Variants in FRAS1 observed in about 807,000 individuals in gnomAD.
FRAS1 encodes Fraser extracellular matrix complex subunit 1, also known as extracellular matrix organizing protein FRAS1.
FRAS1 carries 290 observed loss-of-function variants against 435.2 expected under a neutral mutation model. The observed-to-expected ratio is 0.67, with a 90% CI of 0.61 to 0.73. FRAS1 has a LOEUF of 0.73. FRAS1 is among the 30% of genes least tolerant of loss of function. FRAS1 has a pLI of 0.00. For missense variants in FRAS1, 4,860 were observed against 5,001.5 expected, an observed-to-expected ratio of 0.97 and a Z score of 0.85; for synonymous variants, 1,800 against 1,851.0, an observed-to-expected ratio of 0.97 and a Z score of 0.71.
Position 78,286,492 on chromosome 4 carries a change from T to C in FRAS1, c.1487T>C (p.Val496Ala), listed in dbSNP as rs2110187357. ...PPLLMRHGQC[V>A]PTCGDGFYQD... Reference sequence around the variant, plus strand: ...CTGCTGATGCGGCACGGGCAGTGTGTGCCTACCTGTGGGGACGGCTTCTAC... The same window carrying C: ...CTGCTGATGCGGCACGGGCAGTGTGCGCCTACCTGTGGGGACGGCTTCTAC... The change falls in exon 14 of 74, where the codon GTG (valine) becomes GCG (alanine). Residue 496 changes from valine to alanine, a missense_variant. Val to Ala is a moderately conservative substitution (Grantham distance 64). Coordinates refer to ENST00000512123, the MANE Select transcript of FRAS1 (RefSeq NM_025074.7). 2 of 1,613,698 alleles carry C rather than the reference T, an allele frequency of 1.2e-6. No homozygotes were observed. Among genetic ancestry groups the C allele is most frequent in the African/African-American group, 1.3e-5 (1 of 75,066 alleles).
At chr4:78,431,606 CACA>C (rs1734225309) in intron 37 of FRAS1, among the ~76,000 whole-genome samples, 1 of 152,100 alleles carries the variant, frequency 6.6e-6, no homozygotes. Flanking sequence ...AGAGCAATTT[CACA>C]ACTGTGTTCT....
intron 2 of FRAS1, among the ~76,000 whole-genome samples, chr4:78,228,585 T>A (rs1428787538): frequency 6.6e-6 from 1 of 152,230 alleles, no homozygotes. Flanking sequence ...TATGTGTGTG[T>A]ACTACTCTAG....
Position 78,446,836 on chromosome 4 carries a change from C to T in FRAS1, c.5966C>T (p.Pro1989Leu). The change falls in exon 43 of 74, where the codon CCA (proline) becomes CTA (leucine). Residue 1989 changes from proline to leucine, a missense_variant. Physicochemically the swap from Pro to Leu is moderately conservative, Grantham distance 98. Coordinates refer to ENST00000512123, the MANE Select transcript of FRAS1 (RefSeq NM_025074.7). ...TTGAGCCTGCAAGACCTGGACACCCCAGATAATGAGCTCATTTTTGTATTG... is the reference window on the plus strand; with the variant it reads ...TTGAGCCTGCAAGACCTGGACACCCTAGATAATGAGCTCATTTTTGTATTG... ...SSLSLQDLDTPDNELIFVLTK... is the reference protein window; with the variant it reads ...SSLSLQDLDTLDNELIFVLTK... The T allele has an allele frequency of 6.2e-7, 1 of 1,612,118 alleles. No homozygotes were observed. Among genetic ancestry groups the T allele is most frequent in the Non-Finnish European group, 8.5e-7 (1 of 1,179,206 alleles).
Position 78,472,348 on chromosome 4 carries a change from A to G in FRAS1, c.7522+18A>G, listed in dbSNP as rs1168548114. The G allele has an allele frequency of 1.3e-6, 2 of 1,572,128 alleles. No homozygotes were observed. The highest frequency in any genetic ancestry group is 2.7e-5 in the African/African-American group (2 of 73,354). On this transcript the variant is annotated intron_variant, in intron 52 of 73. Coordinates refer to ENST00000512123, the MANE Select transcript of FRAS1 (RefSeq NM_025074.7). Reference sequence around the variant, plus strand: ...CACCCAGGGTGGGGACTCTCTGGGAACTTAGAAATGGGAGAAATCTATGCT... The same window carrying G: ...CACCCAGGGTGGGGACTCTCTGGGAGCTTAGAAATGGGAGAAATCTATGCT...
At chr4:78,286,997 C>A (rs1727638339) in intron 14 of FRAS1, among the ~76,000 whole-genome samples, 1 of 152,134 alleles carries the variant, frequency 6.6e-6, no homozygotes, top group South Asian at 2.1e-4. Context: ...TGTTTTCACA[C>A]TGCCATATAG....
Position 78,384,110 on chromosome 4 carries a change from A to G in FRAS1, c.3615A>G (p.Pro1205=). Residue 1205 remains proline, a synonymous_variant, in exon 28 of 74, where the codon CCA becomes CCG. Transcript: ENST00000512123. Reference sequence around the variant, plus strand: ...GTGACCAGCAGTTCTTCTCTGAGCCACAGCTGATCAACATACAAGCATTTT... The same window carrying G: ...GTGACCAGCAGTTCTTCTCTGAGCCGCAGCTGATCAACATACAAGCATTTT... ...KISDQQFFSE[P]QLINIQAFST... 1 of 1,605,162 alleles carries G rather than the reference A, an allele frequency of 6.2e-7. No individual in the cohort carries two copies. The highest frequency in any genetic ancestry group is 8.5e-7 in the Non-Finnish European group (1 of 1,177,514).
rs1173523245 is a variant in FRAS1, at chr4:78,184,130, C to T, written c.109-53380C>T. On this transcript the variant is annotated intron_variant, in intron 2 of 73. Transcript: ENST00000512123. ...CTGCTCTGGGTTGATTATAAATTGT[C>T]CCATTTATTCCTCATAGCAAAGCCG... Among the ~76,000 whole-genome samples the T allele has an allele frequency of 3.9e-5, 6 of 152,248 alleles. No individual in the cohort carries two copies. In the East Asian group the frequency reaches 9.6e-4, roughly 24 times the overall value.
intron 2 of FRAS1, among the ~76,000 whole-genome samples, chr4:78,204,236 A>G (rs1723161661): frequency 6.6e-6 from 1 of 152,230 alleles, no homozygotes; most frequent in Non-Finnish European, 1.5e-5. Flanking sequence ...CCCTAAGAGC[A>G]GTGGTTCAAT....
At chr4:78,393,767 G>A (rs1038581066) in intron 29 of FRAS1, among the ~76,000 whole-genome samples, 5 of 152,018 alleles carry the variant, frequency 3.3e-5, no homozygotes, top group African/African-American at 9.7e-5. Flanking sequence ...ATTTACTTTG[G>A]ATGTATATCC....
chr4:78,201,406 C>T (rs1369339931), intron 2 of FRAS1, among the ~76,000 whole-genome samples: 2 of 152,176 alleles, frequency 1.3e-5, no homozygotes, highest in African/African-American at 2.4e-5. Context: ...TAGAGGAACT[C>T]GAAACTTTAG....
chr4:78,475,465 TG>T lies in FRAS1; in HGVS notation c.7711del (p.Val2571SerfsTer11). Reference protein sequence around the residue: ...SYNVSEKAGSVSVTVQRTGNL... With the variant: ...SYNVSEKAGSXSVTVQRTGNL... ...ACAATGTCAGTGAGAAGGCAGGGTC[TG>T]TCAGTGTCACGGTGCAGAGGACTGG... On this transcript the variant is annotated frameshift_variant, in exon 54 of 74. Transcript: ENST00000512123. LOFTEE classifies it high-confidence loss of function. 6.2e-7 allele frequency: 1 copy of T among 1,613,980 alleles called. No homozygotes were observed. Among genetic ancestry groups the T allele is most frequent in the Non-Finnish European group, 8.5e-7 (1 of 1,179,846 alleles).
chr4:78,482,542 G>A lies in FRAS1; in HGVS notation c.8752+7G>A. 9 of 1,611,476 alleles carry A rather than the reference G, an allele frequency of 5.6e-6. No homozygotes were observed. The highest frequency in any genetic ancestry group is 7.6e-6 in the Non-Finnish European group (9 of 1,179,280). ...AATGACACATTCCAAGATGGTAAGA[G>A]ATTGGGGATGCCAGCTGGTAGGTCC... On this transcript the variant is annotated splice_region_variant and intron_variant, in intron 58 of 73. Coordinates refer to ENST00000512123, the MANE Select transcript of FRAS1 (RefSeq NM_025074.7).
chr4:78,102,651 A>T (rs1346083148), intron 2 of FRAS1, among the ~76,000 whole-genome samples: 1 of 152,194 alleles, frequency 6.6e-6, no homozygotes, highest in East Asian at 1.9e-4. Context: ...GAATTTGTGC[A>T]AGCCAAATAT....
chr4:78,160,304 G>A (rs1040885783), intron 2 of FRAS1, among the ~76,000 whole-genome samples: 3 of 152,252 alleles, frequency 2.0e-5, no homozygotes, highest in African/African-American at 7.2e-5. Flanking sequence ...GGTCAAGCGT[G>A]TCAAATGTAG....
At chr4:78,396,621 T>C (rs1732679929) in intron 29 of FRAS1, among the ~76,000 whole-genome samples, 1 of 152,220 alleles carries the variant, frequency 6.6e-6, no homozygotes, top group Non-Finnish European at 1.5e-5. Flanking sequence ...CTTTGCTCTT[T>C]CTCTGCTTCA....
intron 73 of FRAS1, 86 bp downstream of exon 73, chr4:78,539,526 A>G: frequency 1.7e-6 from 2 of 1,176,564 alleles, no homozygotes. Flanking sequence ...GGACTGCAAC[A>G]TCTCTGGATT....
intron 53 of FRAS1, among the ~76,000 whole-genome samples, chr4:78,474,735 C>G (rs1381398895): frequency 6.6e-6 from 1 of 152,186 alleles, no homozygotes; most frequent in Non-Finnish European, 1.5e-5. Flanking sequence ...GCACCCAGGT[C>G]TAGGGGCCAT....
At chr4:78,149,273 C>G (rs997453997) in intron 2 of FRAS1, among the ~76,000 whole-genome samples, 2 of 152,166 alleles carry the variant, frequency 1.3e-5, no homozygotes, top group Non-Finnish European at 2.9e-5. Context: ...TAATATCTGA[C>G]TTTTGTGTGT....
At chr4:78,273,502 T>G (rs1726826655) in intron 9 of FRAS1, among the ~76,000 whole-genome samples, 1 of 152,232 alleles carries the variant, frequency 6.6e-6, no homozygotes, top group Non-Finnish European at 1.5e-5. Context: ...ATACCTAATT[T>G]ATTGAGAATT....
Sources: allele counts gnomAD v4.1 joint callset (sites outside exome capture counted in the v4.1 genomes callset), GRCh38; gene constraint gnomAD v4.1.1; transcripts MANE v1.5; gene names NCBI Gene and HGNC (gene_info 2026-07-23, HGNC 2026-07-21).